ELMO1: variants seen among roughly 807,000 people sequenced by gnomAD.
ELMO1 encodes the protein engulfment and cell motility protein 1.
A neutral mutation model predicts 98.9 loss-of-function variants in ELMO1; 26 were observed. That is an observed-to-expected ratio of 0.26 (90% CI 0.19 to 0.36). ELMO1 has a LOEUF of 0.36. Among genes scored for constraint, ELMO1 ranks in the 10% least tolerant of loss-of-function variants. The pLI, the probability that ELMO1 is intolerant of heterozygous loss-of-function variation, is 1.00. For missense variants in ELMO1, 627 were observed against 935.2 expected (o/e 0.67, Z 4.30); for synonymous variants, 346 against 346.0 (o/e 1.00, Z 0.00).
At chr7:37,104,155 A>T (rs935849071) in intron 14 of ELMO1, among the ~76,000 whole-genome samples, 1 of 151,922 alleles carries the variant, frequency 6.6e-6, no homozygotes, top group African/African-American at 2.4e-5. Context: ...GGTGTTGTCT[A>T]ATCACATTGT....
chr7:37,244,285 TG>T (rs1794892123), intron 7 of ELMO1, 70 bp downstream of exon 7: 1 of 1,509,622 alleles, frequency 6.6e-7, no homozygotes, highest in Non-Finnish European at 9.1e-7. Context: ...ATCAGTCAGA[TG>T]ACAGGGCTCA....
chr7:37,375,511 G>T, intron 1 of ELMO1: 1 of 856,224 alleles, frequency 1.2e-6, no homozygotes, highest in South Asian at 1.4e-5. Context: ...CCGGACCCCA[G>T]AGCCACCAAG....
At chr7:36,898,547 C>T (rs1806222954) in intron 16 of ELMO1, among the ~76,000 whole-genome samples, 5 of 152,084 alleles carry the variant, frequency 3.3e-5, no homozygotes. Flanking sequence ...CTTGGAAGAC[C>T]GGGTTAAAGG....
chr7:37,260,587 T>C (rs1191197280), intron 5 of ELMO1, among the ~76,000 whole-genome samples: 1 of 151,852 alleles, frequency 6.6e-6, no homozygotes, highest in African/African-American at 2.4e-5. Context: ...CCCTCCACTG[T>C]CACCTGGAAG....
intron 1 of ELMO1, among the ~76,000 whole-genome samples, chr7:37,397,932 T>C (rs1376439963): frequency 6.6e-6 from 1 of 152,138 alleles, no homozygotes; most frequent in Non-Finnish European, 1.5e-5. Context: ...TTCTCACTTA[T>C]AAGTGGGAGC....
At chr7:37,442,406 G>A (rs1205373941) in intron 1 of ELMO1, among the ~76,000 whole-genome samples, 1 of 152,186 alleles carries the variant, frequency 6.6e-6, no homozygotes, top group Non-Finnish European at 1.5e-5. Context: ...GTTATGAGGA[G>A]CTGGAAAACA....
chr7:37,412,175 A>G (rs1464211626), intron 1 of ELMO1, among the ~76,000 whole-genome samples: 1 of 152,228 alleles, frequency 6.6e-6, no homozygotes, highest in Non-Finnish European at 1.5e-5. Flanking sequence ...AACAACATGA[A>G]ATCCTTTTGT....
intron 16 of ELMO1, among the ~76,000 whole-genome samples, chr7:36,956,215 T>C (rs1788428853): frequency 6.6e-6 from 1 of 152,204 alleles, no homozygotes; most frequent in Non-Finnish European, 1.5e-5. Context: ...CACTATCCTT[T>C]CCACTTGCTA....
chr7:37,220,838 G>A (rs1238367684), intron 10 of ELMO1, among the ~76,000 whole-genome samples: 2 of 152,080 alleles, frequency 1.3e-5, no homozygotes, highest in Admixed American at 6.6e-5. Flanking sequence ...AAACTTCCAA[G>A]AGTTGAGATC....
chr7:37,112,462 G>C (rs1301885580), intron 14 of ELMO1, among the ~76,000 whole-genome samples: 2 of 152,108 alleles, frequency 1.3e-5, no homozygotes, highest in East Asian at 3.9e-4. Flanking sequence ...CACCAGTCAA[G>C]TACTGAAAGA....
At chr7:37,322,459 T>C (rs1431907715) in intron 2 of ELMO1, among the ~76,000 whole-genome samples, 5 of 151,862 alleles carry the variant, frequency 3.3e-5, no homozygotes, top group African/African-American at 7.3e-5. Context: ...CTATTAAAAA[T>C]ACAAAAAATT....
intron 1 of ELMO1, among the ~76,000 whole-genome samples, chr7:37,354,606 A>G (rs1332689079): frequency 1.3e-5 from 2 of 152,072 alleles, no homozygotes; most frequent in Non-Finnish European, 2.9e-5. Context: ...TAATGCACAC[A>G]CTTCCTCCCT....
intron 15 of ELMO1, among the ~76,000 whole-genome samples, chr7:37,031,742 G>A (rs1463837871): frequency 1.3e-5 from 2 of 152,168 alleles, no homozygotes; most frequent in South Asian, 2.1e-4. Context: ...TTTGTGGAAT[G>A]CATGTTTACA....
At position 37,008,174 on chromosome 7, in the gene ELMO1, G is replaced by A. The variant is rs568250534; in HGVS notation, c.1437+5125C>T. Among the ~76,000 whole-genome samples the A allele has an allele frequency of 5.1e-3, 776 of 152,248 alleles. 4 individuals carry two copies. Among genetic ancestry groups the A allele is most frequent in the Non-Finnish European group, 8.0e-3 (545 of 68,018 alleles). On this transcript the variant is annotated intron_variant, in intron 16 of 21. Coordinates refer to ENST00000310758, the MANE Select transcript of ELMO1 (RefSeq NM_014800.11). ...CAATTTTGATAGCGTCTAAAGTAAC[G>A]CCAATGCTAGGAACAAATATTTTGA...
chr7:36,899,091 A>G (rs779069473), intron 16 of ELMO1, among the ~76,000 whole-genome samples: 32 of 152,178 alleles, frequency 2.1e-4, no homozygotes, highest in Non-Finnish European at 3.4e-4. Context: ...GAACATAGCC[A>G]TGGGTGGGGA....
At chr7:37,005,900 C>T (rs1160088778) in intron 16 of ELMO1, among the ~76,000 whole-genome samples, 2 of 152,098 alleles carry the variant, frequency 1.3e-5, no homozygotes, top group African/African-American at 4.8e-5. Context: ...CAGGCCAGTG[C>T]TGAGCCTGCC....
chr7:37,048,477 C>A (rs1164143207), intron 15 of ELMO1, among the ~76,000 whole-genome samples: 1 of 152,180 alleles, frequency 6.6e-6, no homozygotes, highest in Non-Finnish European at 1.5e-5. Flanking sequence ...TATGACTATT[C>A]TGTGACTTTA....
chr7:36,947,091 C>T (rs1364165695), intron 16 of ELMO1, among the ~76,000 whole-genome samples: 1 of 152,108 alleles, frequency 6.6e-6, no homozygotes, highest in Admixed American at 6.5e-5. Flanking sequence ...AGCACAGTAC[C>T]CAATAGGTAG....
intron 1 of ELMO1, among the ~76,000 whole-genome samples, chr7:37,350,412 G>C (rs931868317): frequency 6.6e-6 from 1 of 152,204 alleles, no homozygotes; most frequent in African/African-American, 2.4e-5. Flanking sequence ...CCCAGTGTCT[G>C]GCATTGACAT....
Sources: gnomAD v4.1 joint callset for allele counts (sites outside exome capture counted in the v4.1 genomes callset) on GRCh38, gnomAD v4.1.1 for gene constraint, MANE v1.5 for transcripts, NCBI Gene and HGNC (gene_info 2026-07-23, HGNC 2026-07-21) for gene names.